TXNL1: variants seen among roughly 807,000 people sequenced by gnomAD.
The protein encoded by TXNL1 is thioredoxin-like protein 1.
TXNL1 carries 14 observed loss-of-function variants against 35.5 expected under a neutral mutation model. The ratio of observed to expected loss-of-function variants is 0.39; its 90% CI spans 0.26 to 0.62. The LOEUF (loss-of-function observed/expected upper bound fraction) is 0.62. TXNL1 is among the 20% of genes least tolerant of loss of function. TXNL1 has a pLI of 0.47. For missense variants in TXNL1, 263 were observed against 349.7 expected, an observed-to-expected ratio of 0.75 and a Z score of 1.98; for synonymous variants, 110 against 115.5, an observed-to-expected ratio of 0.95 and a Z score of 0.31.
Position 56,614,561 on chromosome 18 carries a change from G to C in TXNL1, c.598C>G (p.Leu200Val), listed in dbSNP as rs759483201. The C allele has an allele frequency of 6.2e-7, 1 of 1,613,614 alleles. No homozygotes were observed. The highest frequency in any genetic ancestry group is 8.5e-7 in the Non-Finnish European group (1 of 1,179,896). The change falls in exon 6 of 8, where the codon CTA becomes GTA. Residue 200 changes from leucine (L) to valine (V), a missense_variant. Transcript: ENST00000217515. ...TCTTCAAAATCCATAGATCGGGGTA[G>C]GTTGATAAAAATTTTTACATATTTA... ...GPKYVKIFIN[L>V]PRSMDFEEAE...
intron 6 of TXNL1, among the ~76,000 whole-genome samples, chr18:56,612,653 C>CGA (rs1220329514): frequency 2.6e-4 from 39 of 152,218 alleles, no homozygotes; most frequent in Admixed American, 7.2e-4. Context: ...GGACTACCAG[C>CGA]GTACTCCCAT....
chr18:56,626,105 A>T, intron 2 of TXNL1: 1 of 946,730 alleles, frequency 1.1e-6, no homozygotes, highest in Non-Finnish European at 1.4e-6. Flanking sequence ...CAGAACTGCT[A>T]GGTGACCTAT....
rs2024118552 is a variant in TXNL1, at chr18:56,618,024, C to G, written c.472G>C (p.Glu158Gln). 6.2e-7 allele frequency: 1 copy of G among 1,613,870 alleles called. No individual in the cohort carries two copies. The highest frequency in any genetic ancestry group is 8.5e-7 in the Non-Finnish European group (1 of 1,179,960). Residue 158 changes from glutamate (E) to glutamine (Q), a missense_variant, in exon 4 of 8, where the codon GAA (glutamate) becomes CAA (glutamine). Physicochemically the swap from Glu to Gln is conservative, Grantham distance 29 (BLOSUM62 2). Transcript: ENST00000217515. ...NCLRKDTTFL[E>Q]SDCDEQLLIT... ...ATTACCTGTTCATCACAGTCAGATT[C>G]CAAGAAGGTTGTGTCTTTTCGTAAA...
At position 56,603,588 on chromosome 18, in the gene TXNL1, TA is replaced by T. The variant is rs1351002166; in HGVS notation, c.841-533del. 2.4e-3 allele frequency among the ~76,000 whole-genome samples: 367 copies of T among 152,174 alleles called. 4 individuals carry two copies. Among genetic ancestry groups the T allele is most frequent in the Non-Finnish European group, 1.6e-4 (11 of 67,978 alleles). ...ATCCTGGTTACTTTAAGAGTACTAT[TA>T]AAAATGAAATGAATAAACCTTGTTT... On this transcript the variant is annotated intron_variant, in intron 7 of 7. Transcript: ENST00000217515.
At chr18:56,614,819 G>A (rs1029679642) in intron 5 of TXNL1, among the ~76,000 whole-genome samples, 3 of 152,030 alleles carry the variant, frequency 2.0e-5, no homozygotes, top group Non-Finnish European at 4.4e-5. Context: ...CTAACACTGT[G>A]GTAAATATTA....
intron 7 of TXNL1, among the ~76,000 whole-genome samples, chr18:56,606,419 A>G (rs1466482994): frequency 2.0e-5 from 3 of 152,216 alleles, no homozygotes; most frequent in Admixed American, 6.5e-5. Context: ...CTATGTATAT[A>G]CTAATTCAGA....
chr18:56,618,937 C>T (rs1221243144), intron 3 of TXNL1, among the ~76,000 whole-genome samples: 5 of 151,896 alleles, frequency 3.3e-5, no homozygotes, highest in African/African-American at 9.7e-5. Flanking sequence ...AGGCCTGGTA[C>T]GATGGCTCAT....
rs1298397004 is a variant in TXNL1 at position 56,624,387 on chromosome 18, T to C, written c.270A>G (p.Gln90=). 3 of 1,613,846 alleles carry C rather than the reference T, an allele frequency of 1.9e-6. No individual in the cohort carries two copies. The highest frequency in any genetic ancestry group is 1.1e-5 in the South Asian group (1 of 91,080). Reference sequence around the variant, plus strand: ...ATCCCACAGCATCTGCTCCTTGATATTGATCAATTCTCACTTTGTTTCGAA... The same window carrying C: ...ATCCCACAGCATCTGCTCCTTGATACTGATCAATTCTCACTTTGTTTCGAA... ...LFFRNKVRID[Q]YQGADAVGLE... The change falls in exon 3 of 8, where the codon CAA becomes CAG. Residue 90 remains glutamine, a synonymous_variant. Transcript: ENST00000217515.
chr18:56,618,353 T>C (rs1440273130), intron 3 of TXNL1, among the ~76,000 whole-genome samples: 2 of 152,218 alleles, frequency 1.3e-5, no homozygotes. Flanking sequence ...TCAGAAATGA[T>C]GTCTTTAAGA....
chr18:56,617,285 T>C (rs908432307), intron 4 of TXNL1, among the ~76,000 whole-genome samples: 3 of 152,140 alleles, frequency 2.0e-5, no homozygotes, highest in African/African-American at 7.2e-5. Flanking sequence ...AGCATGACAT[T>C]ATTAGGGAAC....
intron 1 of TXNL1, among the ~76,000 whole-genome samples, chr18:56,633,714 GGT>G (rs1424163441): frequency 6.6e-6 from 1 of 151,666 alleles, no homozygotes; most frequent in Non-Finnish European, 1.5e-5. Context: ...GGCTGGGTGT[GGT>G]GGCTCACACC....
In TXNL1 at chr18:56,600,494, G is replaced by A. The variant is rs1390256099; in HGVS notation, c.*2533C>T. On this transcript the variant is annotated 3_prime_UTR_variant, in exon 8 of 8. Coordinates refer to ENST00000217515, the MANE Select transcript of TXNL1 (RefSeq NM_004786.3). The stretch of plus-strand genomic sequence containing the variant: ...GGCAGGTTTCAACTCTAATTGTTAC[G>A]TGGCTGCCTCCAACAGAATATTGAG... 3 of 151,206 alleles carry A rather than the reference G, an allele frequency of 2.0e-5. No individual in the cohort carries two copies. The highest frequency in any genetic ancestry group is 4.4e-5 in the Non-Finnish European group (3 of 67,970). 9.4% of individuals were successfully genotyped at this position (151,206 alleles called of 1,614,324 possible). A position where few individuals can be genotyped will look rare whatever the true frequency, so the allele number is the denominator to read the frequency against.
intron 7 of TXNL1, among the ~76,000 whole-genome samples, chr18:56,607,161 T>TTGTGTGTGTGTGTGTGTGTGTGTG (rs112495608): frequency 5.1e-5 from 7 of 137,526 alleles, no homozygotes; most frequent in African/African-American, 1.9e-4. Flanking sequence ...CTGGGTAATT[T>TTGTGTGTGTGTGTGTGTGTGTGTG]TGTGTGTGTG....
At chr18:56,606,256 A>G (rs2144278254) in intron 7 of TXNL1, among the ~76,000 whole-genome samples, 1 of 152,278 alleles carries the variant, frequency 6.6e-6, no homozygotes, top group African/African-American at 2.4e-5. Flanking sequence ...GGGCACCTGT[A>G]GTCCCAGCTG....
At chr18:56,628,454 G>A (rs2024321685) in intron 1 of TXNL1, among the ~76,000 whole-genome samples, 1 of 152,042 alleles carries the variant, frequency 6.6e-6, no homozygotes, top group Non-Finnish European at 1.5e-5. Flanking sequence ...CAAAAGAATG[G>A]GTAAGCTAAT....
At chr18:56,628,331 C>G (rs2024319247) in intron 1 of TXNL1, among the ~76,000 whole-genome samples, 1 of 152,128 alleles carries the variant, frequency 6.6e-6, no homozygotes, top group African/African-American at 2.4e-5. Flanking sequence ...ACCAACCCAT[C>G]AAAATTCCTG....
chr18:56,635,768 C>G (rs1598926880), intron 1 of TXNL1, among the ~76,000 whole-genome samples: 2 of 152,084 alleles, frequency 1.3e-5, no homozygotes, highest in Non-Finnish European at 2.9e-5. Context: ...GTCTGGGTAT[C>G]TGGGGGATTA....
rs2144268649 is a variant in TXNL1 at position 56,601,437 on chromosome 18, A to G, written c.*1590T>C. 1 of 152,338 alleles carries G rather than the reference A, an allele frequency of 6.6e-6. No individual in the cohort carries two copies. The highest frequency in any genetic ancestry group is 2.1e-4 in the South Asian group (1 of 4,826). The allele number at this position is 152,338 out of a possible 1,614,324, so 9.4% of individuals were successfully genotyped here. On this transcript the variant is annotated 3_prime_UTR_variant, in exon 8 of 8. Coordinates refer to ENST00000217515, the MANE Select transcript of TXNL1 (RefSeq NM_004786.3). ...ATACTTAGGATGAGGCACTTTAACAATTACTCAGAAAGGTTAAGTGTACAA... is the reference window on the plus strand; with the variant it reads ...ATACTTAGGATGAGGCACTTTAACAGTTACTCAGAAAGGTTAAGTGTACAA...
chr18:56,629,373 C>CA (rs1341962773), intron 1 of TXNL1, among the ~76,000 whole-genome samples: 1 of 152,086 alleles, frequency 6.6e-6, no homozygotes, highest in Non-Finnish European at 1.5e-5. Context: ...ACTAAAAATA[C>CA]AAAAATTAGC....
Sources: gnomAD v4.1 joint callset for allele counts (sites outside exome capture counted in the v4.1 genomes callset) on GRCh38, gnomAD v4.1.1 for gene constraint, MANE v1.5 for transcripts, NCBI Gene and HGNC (gene_info 2026-07-23, HGNC 2026-07-21) for gene names.